PBX3: variants seen among roughly 807,000 people sequenced by gnomAD.
The protein encoded by PBX3 is PBX homeobox 3.
A neutral mutation model predicts 48.5 loss-of-function variants in PBX3; 14 were observed. The observed-to-expected ratio is 0.29, with a 90% confidence interval of 0.19 to 0.45. The LOEUF is 0.45. Ranked by LOEUF, PBX3 falls within the 20% of genes least tolerant of loss-of-function variation. The probability of loss-of-function intolerance (pLI) is 1.00; values close to 1 mark genes in which losing one functional copy is unlikely to be tolerated. For missense variants in PBX3, 386 were observed against 546.7 expected, an observed-to-expected ratio of 0.71 and a Z score of 2.93; for synonymous variants, 210 against 200.3, an observed-to-expected ratio of 1.05 and a Z score of -0.41.
intron 5 of PBX3, among the ~76,000 whole-genome samples, chr9:125,953,002 AG>A (rs751676156): frequency 2.2e-4 from 34 of 152,126 alleles, no homozygotes; most frequent in Admixed American, 5.2e-4. Context: ...AAAAAAAAAA[AG>A]ACTCATGGTG....
At chr9:125,763,317 G>A (rs1836719296) in intron 2 of PBX3, among the ~76,000 whole-genome samples, 1 of 152,128 alleles carries the variant, frequency 6.6e-6, no homozygotes, top group African/African-American at 2.4e-5. Context: ...ATCTTTTTGT[G>A]TGAGGTTGTG....
intron 2 of PBX3, among the ~76,000 whole-genome samples, chr9:125,823,285 G>A (rs1838709137): frequency 1.3e-5 from 2 of 152,108 alleles, no homozygotes; most frequent in Admixed American, 6.5e-5. Context: ...ACAAATAAAA[G>A]TTGTCATGAC....
At chr9:125,798,516 T>C (rs2132085960) in intron 2 of PBX3, among the ~76,000 whole-genome samples, 1 of 151,300 alleles carries the variant, frequency 6.6e-6, no homozygotes, top group African/African-American at 2.4e-5. Context: ...AGAAAATAAT[T>C]TTTAGAATAG....
chr9:125,800,781 T>C (rs1837919237), intron 2 of PBX3, among the ~76,000 whole-genome samples: 1 of 149,252 alleles, frequency 6.7e-6, no homozygotes, highest in African/African-American at 2.4e-5. Context: ...GAGACAGAGT[T>C]TCCTTCTTGT....
chr9:125,882,226 A>G (rs1564154647), intron 2 of PBX3, among the ~76,000 whole-genome samples: 3 of 147,072 alleles, frequency 2.0e-5, no homozygotes, highest in Non-Finnish European at 4.5e-5. Flanking sequence ...CTGTCTCACA[A>G]TTTTTTTTTT....
intron 2 of PBX3, among the ~76,000 whole-genome samples, chr9:125,766,486 A>G (rs1377125013): frequency 6.6e-6 from 1 of 152,114 alleles, no homozygotes; most frequent in Non-Finnish European, 1.5e-5. Flanking sequence ...AACTATGATA[A>G]TAAGCACTCT....
chr9:125,780,690 G>A (rs1171557472), intron 2 of PBX3, among the ~76,000 whole-genome samples: 8 of 131,812 alleles, frequency 6.1e-5, no homozygotes, highest in Non-Finnish European at 1.1e-4. Flanking sequence ...CGGGCGGGGG[G>A]CTGACCACCC....
At chr9:125,865,967 T>A (rs765367683) in intron 2 of PBX3, among the ~76,000 whole-genome samples, 1 of 151,792 alleles carries the variant, frequency 6.6e-6, no homozygotes, top group Admixed American at 6.6e-5. Flanking sequence ...CCCCAATTTT[T>A]TTCCCCCCAC....
chr9:125,963,088 C>G lies in PBX3; in HGVS notation c.1199C>G (p.Pro400Arg). The G allele has an allele frequency of 6.3e-7, 1 of 1,593,708 alleles. No homozygotes were observed. The highest frequency in any genetic ancestry group is 8.6e-7 in the Non-Finnish European group (1 of 1,163,742). The change falls in exon 8 of 9, where the codon CCA becomes CGA. Residue 400 changes from proline (P) to arginine (R), a missense_variant. Around this residue, in one of 4 missense-constraint regions of PBX3, gnomAD observed 127 missense variants for 143.3 expected, o/e 0.89. Coordinates refer to ENST00000373489, the MANE Select transcript of PBX3 (RefSeq NM_006195.6). The stretch of plus-strand genomic sequence containing the variant: ...CTTGGAGGAAATTCACTGTACAGTC[C>G]ACATAATTTAAATGTGAGTACTCTG... ...DGLGGNSLYS[P>R]HNLNANGGWQ... is the part of the protein sequence containing the mutation.
chr9:125,965,744 C>T, intron 8 of PBX3, 87 bp from the exon 9 acceptor site: 1 of 971,232 alleles, frequency 1.0e-6, no homozygotes, highest in Non-Finnish European at 1.7e-6. Context: ...TGCATCTCTG[C>T]TCTCATGTTG....
chr9:125,899,368 CATATATGTATATATTT>C (rs1564163487), intron 2 of PBX3, among the ~76,000 whole-genome samples: 17 of 38,372 alleles, frequency 4.4e-4, no homozygotes, highest in African/African-American at 1.7e-3. Flanking sequence ...TAAATATATA[CATATATGTATATATTT>C]TTATATAAAT....
At chr9:125,778,391 G>A (rs1344410363) in intron 2 of PBX3, among the ~76,000 whole-genome samples, 1 of 151,934 alleles carries the variant, frequency 6.6e-6, no homozygotes, top group Non-Finnish European at 1.5e-5. Flanking sequence ...CCGAATAGCT[G>A]GGATTACAGG....
intron 2 of PBX3, chr9:125,748,899 C>T: frequency 9.4e-6 from 3 of 320,140 alleles, no homozygotes; most frequent in South Asian, 6.0e-5. Context: ...GGGCCCGGAG[C>T]GCCAGCCGCC....
At chr9:125,860,295 C>G (rs1271888626) in intron 2 of PBX3, among the ~76,000 whole-genome samples, 1 of 152,222 alleles carries the variant, frequency 6.6e-6, no homozygotes, top group Non-Finnish European at 1.5e-5. Context: ...GCTCACAAGT[C>G]TTTCTCTCAA....
At chr9:125,879,704 T>G (rs1840337644) in intron 2 of PBX3, among the ~76,000 whole-genome samples, 1 of 152,214 alleles carries the variant, frequency 6.6e-6, no homozygotes, top group Non-Finnish European at 1.5e-5. Flanking sequence ...GATGTACCAG[T>G]TTCACCAATA....
intron 2 of PBX3, among the ~76,000 whole-genome samples, chr9:125,911,583 T>C (rs1260837929): frequency 6.6e-6 from 1 of 152,178 alleles, no homozygotes; most frequent in African/African-American, 2.4e-5. Context: ...GCTGAAAATA[T>C]CTCATCTGGC....
chr9:125,782,619 A>G (rs1005093174), intron 2 of PBX3, among the ~76,000 whole-genome samples: 1 of 152,152 alleles, frequency 6.6e-6, no homozygotes, highest in African/African-American at 2.4e-5. Flanking sequence ...TGGCTTTTAT[A>G]TTTACCTATG....
At chr9:125,787,917 G>A (rs115087734) in intron 2 of PBX3, among the ~76,000 whole-genome samples, 2,011 of 152,274 alleles carry the variant, frequency 0.013, 35 homozygotes, top group African/African-American at 0.04. Context: ...GTGAAATGGA[G>A]CTAAAGGTCA....
intron 2 of PBX3, among the ~76,000 whole-genome samples, chr9:125,869,060 T>G (rs563773471): frequency 6.6e-6 from 1 of 152,274 alleles, no homozygotes; most frequent in African/African-American, 2.4e-5. Context: ...TATCATCAGG[T>G]ACAGCAAATA....
Sources: allele counts gnomAD v4.1 joint callset (sites outside exome capture counted in the v4.1 genomes callset), GRCh38; gene constraint gnomAD v4.1.1; regional missense constraint gnomAD v4.1.1; transcripts MANE v1.5; gene names NCBI Gene and HGNC (gene_info 2026-07-23, HGNC 2026-07-21).